Variants in SCLT1 observed in about 807,000 individuals in gnomAD.
SCLT1 encodes sodium channel and clathrin linker 1.
SCLT1 carries 78 observed loss-of-function variants against 112.8 expected under a neutral mutation model. That is an observed-to-expected ratio of 0.69 (90% CI 0.58 to 0.83). SCLT1 has a LOEUF of 0.83. Ranked by LOEUF, SCLT1 falls within the 40% of genes least tolerant of loss-of-function variation. The pLI is 0.00. For synonymous variants in SCLT1, 257 were observed against 254.7 expected (o/e 1.01, Z -0.09); for missense variants, 747 against 770.4 (o/e 0.97, Z 0.36).
Position 129,004,571 on chromosome 4 carries a change from G to GA in SCLT1, c.291-696dup, listed in dbSNP as rs988504960. Among the ~76,000 whole-genome samples the GA allele has an allele frequency of 7.9e-5, 12 of 151,900 alleles. No individual in the cohort carries two copies. In the East Asian group the frequency reaches 1.7e-3, roughly 22 times the overall value. The stretch of plus-strand genomic sequence containing the variant: ...AATTTAAAATAATACATACTTAAGA[G>GA]AAAAAAAGTACATTTTCAGAAAACA... On this transcript the variant is annotated intron_variant, in intron 5 of 20. Transcript: ENST00000281142.
In SCLT1 at chr4:128,897,758, G is replaced by A. The variant is rs1262169579; in HGVS notation, c.1830-6621C>T. On this transcript the variant is annotated intron_variant, in intron 18 of 20. Transcript: ENST00000281142. ...GGATAAAGAGTCAAGACACATCAGT[G>A]TGCTGTATTCAGGAAACCCATCTCA... Among the ~76,000 whole-genome samples the A allele has an allele frequency of 2.0e-5, 3 of 152,276 alleles. No individual in the cohort carries two copies. In the East Asian group the frequency reaches 5.8e-4, roughly 29 times the overall value.
intron 1 of SCLT1, among the ~76,000 whole-genome samples, chr4:129,087,725 C>G (rs1344869827): frequency 6.9e-6 from 1 of 145,928 alleles, no homozygotes; most frequent in Non-Finnish European, 1.5e-5. Context: ...TTAACTCCAG[C>G]CTGGGTGACA....
chr4:129,016,800 T>TG (rs1745032158), intron 5 of SCLT1, among the ~76,000 whole-genome samples: 2 of 152,318 alleles, frequency 1.3e-5, no homozygotes, highest in South Asian at 2.1e-4. Context: ...TCCTGGCCTT[T>TG]GCCTTATAAG....
chr4:129,024,719 G>A (rs1745860874), intron 5 of SCLT1, among the ~76,000 whole-genome samples: 1 of 152,170 alleles, frequency 6.6e-6, no homozygotes, highest in South Asian at 2.1e-4. Flanking sequence ...GACGAGTTGA[G>A]AGAAGAAGGC....
At chr4:128,978,279 G>C (rs771307716) in intron 9 of SCLT1, among the ~76,000 whole-genome samples, 11 of 152,094 alleles carry the variant, frequency 7.2e-5, no homozygotes, top group Non-Finnish European at 1.2e-4. Context: ...GGTCAGAGGT[G>C]TATACTTGGA....
chr4:128,894,114 G>A (rs1733545080), intron 18 of SCLT1, among the ~76,000 whole-genome samples: 1 of 151,838 alleles, frequency 6.6e-6, no homozygotes, highest in Non-Finnish European at 1.5e-5. Context: ...TAGTTTTTTT[G>A]TATTTTTTGT....
At chr4:128,980,162 T>C (rs1298970805) in intron 9 of SCLT1, among the ~76,000 whole-genome samples, 2 of 152,166 alleles carry the variant, frequency 1.3e-5, no homozygotes, top group African/African-American at 4.8e-5. Context: ...ATTTCTCACA[T>C]GGGATTGTTT....
At chr4:129,024,371 C>A (rs1292876886) in intron 5 of SCLT1, among the ~76,000 whole-genome samples, 2 of 152,182 alleles carry the variant, frequency 1.3e-5, no homozygotes, top group Non-Finnish European at 2.9e-5. Context: ...AACGATCAGG[C>A]AGCAGCATTC....
intron 4 of SCLT1, chr4:129,041,809 G>A (rs1747722875): frequency 2.0e-5 from 3 of 152,198 alleles, no homozygotes; most frequent in Admixed American, 6.5e-5. Context: ...GCAGTGGCAC[G>A]ATCTCGGCTC....
chr4:128,991,028 T>A lies in SCLT1; in HGVS notation c.686+1139A>T, dbSNP rs949053846. On this transcript the variant is annotated intron_variant, in intron 9 of 20. Transcript: ENST00000281142. The stretch of plus-strand genomic sequence containing the variant: ...ACCCAAAGCAATCAAATCTATAGAT[T>A]AAATGCAATCAAAATACCAATGACA... 5.9e-5 allele frequency among the ~76,000 whole-genome samples: 9 copies of A among 151,628 alleles called. No individual in the cohort carries two copies. The South Asian group carries it at 1.9e-3, about 31-fold the overall frequency.
intron 2 of SCLT1, among the ~76,000 whole-genome samples, chr4:129,050,111 T>A (rs1748628441): frequency 6.6e-6 from 1 of 152,266 alleles, no homozygotes; most frequent in South Asian, 2.1e-4. Context: ...GGTGTATATG[T>A]GCCCCATTTT....
chr4:129,050,918 G>A (rs1467764609), intron 2 of SCLT1, among the ~76,000 whole-genome samples: 3 of 151,914 alleles, frequency 2.0e-5, no homozygotes, highest in Non-Finnish European at 4.4e-5. Context: ...GTAGGGAGGG[G>A]GTCCAGTTTC....
At chr4:128,914,590 G>A (rs897601016) in intron 18 of SCLT1, among the ~76,000 whole-genome samples, 49 of 152,186 alleles carry the variant, frequency 3.2e-4, no homozygotes, top group African/African-American at 1.2e-3. Context: ...TCTAATATAG[G>A]AGTAGCGGGG....
chr4:128,916,315 T>C (rs11735343), intron 18 of SCLT1, among the ~76,000 whole-genome samples: 28,410 of 152,172 alleles, frequency 0.19, 2,858 homozygotes, highest in Middle Eastern at 0.29. Flanking sequence ...ATATATATCA[T>C]TTTAATAGTC....
chr4:129,028,059 C>G (rs1300583330), intron 5 of SCLT1, among the ~76,000 whole-genome samples: 1 of 152,184 alleles, frequency 6.6e-6, no homozygotes, highest in Admixed American at 6.5e-5. Context: ...ATTCCATGCT[C>G]ATGGGCAGGA....
intron 5 of SCLT1, among the ~76,000 whole-genome samples, chr4:129,019,872 C>A (rs188137893): frequency 6.7e-6 from 1 of 149,224 alleles, no homozygotes; most frequent in Admixed American, 6.8e-5. Flanking sequence ...TAATCATACA[C>A]ATTTTTTTTT....
At position 129,093,185 on chromosome 4, in the gene SCLT1, A is replaced by C; in HGVS notation, c.-82T>G. On this transcript the variant is annotated 5_prime_UTR_variant, in exon 1 of 21. Coordinates refer to ENST00000281142, the MANE Select transcript of SCLT1 (RefSeq NM_144643.4). ...AGAGCTTGCTGTGCGGGAAAACAAA[A>C]CTAAGCCAACGCTCGGTTGGTTGTC... is the stretch of plus-strand genomic sequence containing the variant. The C allele has an allele frequency of 7.6e-7, 1 of 1,308,030 alleles. No individual in the cohort carries two copies. The highest frequency in any genetic ancestry group is 1.1e-6 in the Non-Finnish European group (1 of 902,824). 81.0% of individuals were successfully genotyped at this position (1,308,030 alleles called of 1,614,324 possible). A position where few individuals can be genotyped will look rare whatever the true frequency, so the allele number is the denominator to read the frequency against.
chr4:128,985,824 C>A (rs1379754746), intron 9 of SCLT1, among the ~76,000 whole-genome samples: 1 of 152,106 alleles, frequency 6.6e-6, no homozygotes, highest in Non-Finnish European at 1.5e-5. Flanking sequence ...GGTGATCTGT[C>A]CGCCTCAGCC....
rs1753003780 is a variant in SCLT1 at position 129,093,117 on chromosome 4, T to C, written c.-14A>G. 1 of 1,612,922 alleles carries C rather than the reference T, an allele frequency of 6.2e-7. No individual in the cohort carries two copies. On this transcript the variant is annotated 5_prime_UTR_variant, in exon 1 of 21. Transcript: ENST00000281142. Reference sequence around the variant, plus strand: ...TTCTGCAGCCATTTCGATACAATTTTAGTTTAGAGCTTTCACCACCTTTAC... The same window carrying C: ...TTCTGCAGCCATTTCGATACAATTTCAGTTTAGAGCTTTCACCACCTTTAC...
Sources: allele counts gnomAD v4.1 joint callset (sites outside exome capture counted in the v4.1 genomes callset), GRCh38; gene constraint gnomAD v4.1.1; transcripts MANE v1.5; gene names NCBI Gene and HGNC (gene_info 2026-07-23, HGNC 2026-07-21).